ACACA: variants seen among roughly 807,000 people sequenced by gnomAD.
ACACA encodes acetyl-CoA carboxylase alpha.
A neutral mutation model predicts 296.1 loss-of-function variants in ACACA; 103 were observed. The observed-to-expected ratio is 0.35, with a 90% confidence interval of 0.30 to 0.41. ACACA has a LOEUF of 0.41. Among genes scored for constraint, ACACA ranks in the 10% least tolerant of loss-of-function variants. The pLI, the probability that ACACA is intolerant of heterozygous loss-of-function variation, is 1.00. For missense variants in ACACA, 1,554 were observed against 2,989.7 expected (o/e 0.52, Z 11.20); for synonymous variants, 953 against 1,038.6 (o/e 0.92, Z 1.58).
At chr17:37,240,331 G>T in intron 24 of ACACA, 145 bp downstream of exon 24, 1 of 698,012 alleles carries the variant, frequency 1.4e-6, no homozygotes. Flanking sequence ...AGTTTTTAAG[G>T]GAGTAGTGAT....
intron 1 of ACACA, among the ~76,000 whole-genome samples, chr17:37,343,777 A>G (rs1390526824): frequency 6.6e-6 from 1 of 151,980 alleles, no homozygotes; most frequent in Non-Finnish European, 1.5e-5. Flanking sequence ...AAAAAAAAAA[A>G]AAAAAGTTTT....
chr17:37,123,521 G>A (rs2074625124), intron 48 of ACACA, among the ~76,000 whole-genome samples: 1 of 152,100 alleles, frequency 6.6e-6, no homozygotes, highest in Non-Finnish European at 1.5e-5. Context: ...GCATTCCTTG[G>A]GGTTGGGGCT....
rs1045605479 is a variant in ACACA at position 37,200,132 on chromosome 17, T to C, written c.4158+7A>G. On this transcript the variant is annotated splice_region_variant and intron_variant, in intron 35 of 55. Coordinates refer to ENST00000616317, the MANE Select transcript of ACACA (RefSeq NM_198834.3). ...AGTAATCTTTCATTATTGTTCATTTTACTTACATGAAATCTCCGATCCACC... is the reference window on the plus strand; with the variant it reads ...AGTAATCTTTCATTATTGTTCATTTCACTTACATGAAATCTCCGATCCACC... The C allele has an allele frequency of 6.3e-7, 1 of 1,583,768 alleles. No individual in the cohort carries two copies.
intron 1 of ACACA, chr17:37,379,076 A>C (rs544261383): frequency 1.3e-6 from 2 of 1,535,490 alleles, no homozygotes; most frequent in Admixed American, 4.2e-5. Context: ...CGTCTCAAAA[A>C]AACCAACCAA....
chr17:37,365,490 G>C, intron 1 of ACACA: 1 of 985,428 alleles, frequency 1.0e-6, no homozygotes, highest in Middle Eastern at 5.2e-4. Context: ...TCTTCACGTT[G>C]TCTCTGAGAG....
At chr17:37,088,466 T>C (rs1330814408) in intron 55 of ACACA, among the ~76,000 whole-genome samples, 1 of 152,204 alleles carries the variant, frequency 6.6e-6, no homozygotes, top group African/African-American at 2.4e-5. Context: ...TGTTTTTAAT[T>C]TTATAACTTT....
chr17:37,234,924 C>G (rs371592108), intron 25 of ACACA, 51 bp downstream of exon 25: 13 of 1,607,384 alleles, frequency 8.1e-6, no homozygotes, highest in Non-Finnish European at 1.1e-5. Context: ...GAAAAAAATA[C>G]TTTTTGCATA....
chr17:37,091,065 T>TA (rs1403183421), intron 54 of ACACA, among the ~76,000 whole-genome samples: 1 of 152,198 alleles, frequency 6.6e-6, no homozygotes, highest in Non-Finnish European at 1.5e-5. Context: ...CCTATCAACA[T>TA]ATGCCAGGGA....
chr17:37,132,429 T>A (rs557718248), intron 45 of ACACA, among the ~76,000 whole-genome samples: 1 of 152,196 alleles, frequency 6.6e-6, no homozygotes, highest in Non-Finnish European at 1.5e-5. Context: ...TGGCTCTGGT[T>A]TTATGGTCGT....
chr17:37,211,149 G>T (rs1330434391), intron 29 of ACACA, among the ~76,000 whole-genome samples: 1 of 152,188 alleles, frequency 6.6e-6, no homozygotes, highest in African/African-American at 2.4e-5. Context: ...ATGCAGGAAA[G>T]TAATGATAAA....
chr17:37,276,070 G>C (rs1320295206), intron 7 of ACACA, 21 bp from the exon 8 acceptor site: 1 of 1,578,016 alleles, frequency 6.3e-7, no homozygotes, highest in Admixed American at 1.7e-5. Context: ...AACAGGAAAA[G>C]AATCCTGACT....
chr17:37,118,153 T>C (rs2074348185), intron 50 of ACACA, among the ~76,000 whole-genome samples: 1 of 152,220 alleles, frequency 6.6e-6, no homozygotes, highest in South Asian at 2.1e-4. Context: ...CTAAGTCTTA[T>C]TTGTCTTACG....
chr17:37,116,684 A>C (rs2074271266), intron 50 of ACACA, among the ~76,000 whole-genome samples: 1 of 152,134 alleles, frequency 6.6e-6, no homozygotes, highest in Admixed American at 6.5e-5. Flanking sequence ...ACACAAATAA[A>C]CTCTGTAATC....
chr17:37,388,554 G>C, intron 1 of ACACA: 2 of 1,234,128 alleles, frequency 1.6e-6, no homozygotes, highest in Non-Finnish European at 2.3e-6. Context: ...TCTGCCTCTG[G>C]GTTAGTCTGG....
chr17:37,203,798 C>T (rs1382834917), intron 33 of ACACA, among the ~76,000 whole-genome samples: 3 of 152,064 alleles, frequency 2.0e-5, no homozygotes, highest in Non-Finnish European at 4.4e-5. Flanking sequence ...CAAAGATTAC[C>T]TTGATCACTG....
chr17:37,094,646 C>T (rs763395236), intron 54 of ACACA, among the ~76,000 whole-genome samples: 68 of 147,118 alleles, frequency 4.6e-4, no homozygotes, highest in African/African-American at 1.6e-3. Context: ...GGCTTTTGAA[C>T]ACTGCAACCC....
intron 40 of ACACA, among the ~76,000 whole-genome samples, chr17:37,179,707 CTAAA>C (rs1460302034): frequency 6.6e-6 from 1 of 152,044 alleles, no homozygotes; most frequent in Non-Finnish European, 1.5e-5. Context: ...AATTAAAAAA[CTAAA>C]TAAGTAGCAT....
intron 41 of ACACA, among the ~76,000 whole-genome samples, chr17:37,174,877 T>C (rs2077051275): frequency 6.6e-6 from 1 of 152,198 alleles, no homozygotes; most frequent in Non-Finnish European, 1.5e-5. Flanking sequence ...GAAAAACTTT[T>C]ATACCAAGAA....
chr17:37,188,602 A>T, intron 38 of ACACA, 122 bp from the exon 39 acceptor site: 1 of 1,005,638 alleles, frequency 9.9e-7, no homozygotes, highest in Non-Finnish European at 1.5e-6. Flanking sequence ...GTGGAGATGC[A>T]CACCTTACAA....
Sources: allele counts gnomAD v4.1 joint callset (sites outside exome capture counted in the v4.1 genomes callset), GRCh38; gene constraint gnomAD v4.1.1; transcripts MANE v1.5; gene names NCBI Gene and HGNC (gene_info 2026-07-23, HGNC 2026-07-21).